Variants in RCHY1 observed in about 807,000 individuals in gnomAD.
RCHY1 encodes the protein RING finger and CHY zinc finger domain-containing protein 1.
Under a neutral mutation model 41.6 loss-of-function variants are expected in RCHY1, and 21 were observed. The observed-to-expected ratio is 0.51, with a 90% CI of 0.36 to 0.73. The LOEUF (loss-of-function observed/expected upper bound fraction) is 0.73, where lower values mean the gene tolerates loss of function less well. Ranked by LOEUF, RCHY1 falls within the 30% of genes least tolerant of loss-of-function variation. The probability of loss-of-function intolerance (pLI) is 0.00; values close to 1 mark genes in which losing one functional copy is unlikely to be tolerated. For synonymous variants in RCHY1, 79 were observed against 102.9 expected (o/e 0.77, Z 1.41); for missense variants, 265 against 325.3 (o/e 0.81, Z 1.43).
At chr4:75,503,109 G>C (rs182384034) in intron 3 of RCHY1, among the ~76,000 whole-genome samples, 1 of 152,162 alleles carries the variant, frequency 6.6e-6, no homozygotes, top group Admixed American at 6.5e-5. Flanking sequence ...GCAGGAAAGC[G>C]TCTTGCACAT....
intron 2 of RCHY1, 74 bp from the exon 3 acceptor site, chr4:75,509,009 T>C (rs1724602304): frequency 7.4e-6 from 9 of 1,213,944 alleles, no homozygotes; most frequent in East Asian, 2.4e-5. Flanking sequence ...CTAGAACTTA[T>C]GTTCAACTAT....
intron 1 of RCHY1, 108 bp from the exon 2 acceptor site, chr4:75,509,404 A>G: frequency 2.1e-6 from 2 of 965,376 alleles, no homozygotes; most frequent in Non-Finnish European, 3.1e-6. Context: ...CTGAAAGATT[A>G]CAACCAATAG....
intron 1 of RCHY1, among the ~76,000 whole-genome samples, chr4:75,513,251 G>GC (rs1228395662): frequency 6.6e-6 from 1 of 152,138 alleles, no homozygotes. Context: ...GCAGTGACCA[G>GC]CAAGGCTGAC....
Position 75,486,490 on chromosome 4 carries a change from A to T in RCHY1, c.658-3824T>A, listed in dbSNP as rs772576644. On this transcript the variant is annotated intron_variant, in intron 8 of 8. Transcript: ENST00000324439. ...TTAATAAATAATAATTTAAGGAAAC[A>T]TCCTTCCAAAAAATTAAAATGGCTT... 7.2e-5 allele frequency among the ~76,000 whole-genome samples: 11 copies of T among 152,104 alleles called. No homozygotes were observed. In the South Asian group the frequency reaches 1.7e-3, roughly 23 times the overall value.
At chr4:75,483,007 G>C (rs1342609309) in intron 8 of RCHY1, among the ~76,000 whole-genome samples, 1 of 151,986 alleles carries the variant, frequency 6.6e-6, no homozygotes. Context: ...ATAACAACAT[G>C]ATTTCATTAT....
At chr4:75,514,712 A>T, upstream of RCHY1, 1 of 163,282 alleles carries the variant, frequency 6.1e-6, no homozygotes, top group Non-Finnish European at 1.3e-5. Context: ...GCCTGGAGAA[A>T]GGGGCGGAGC....
chr4:75,498,236 T>C (rs1429853918), intron 3 of RCHY1, among the ~76,000 whole-genome samples: 1 of 151,226 alleles, frequency 6.6e-6, no homozygotes, highest in Admixed American at 6.6e-5. Context: ...CTAGAATAGA[T>C]AAATTCCTGG....
intron 8 of RCHY1, among the ~76,000 whole-genome samples, chr4:75,486,294 A>AT (rs538591934): frequency 6.6e-6 from 1 of 151,992 alleles, no homozygotes; most frequent in South Asian, 2.1e-4. Flanking sequence ...CTAATTTCAA[A>AT]TTTTTTTTCA....
chr4:75,487,980 A>T (rs1722395221), intron 8 of RCHY1, among the ~76,000 whole-genome samples: 1 of 146,518 alleles, frequency 6.8e-6, no homozygotes, highest in African/African-American at 2.5e-5. Flanking sequence ...CCAAAATCAA[A>T]TTTCAACTTC....
intron 8 of RCHY1, among the ~76,000 whole-genome samples, chr4:75,488,968 G>C (rs765231913): frequency 1.3e-5 from 2 of 151,994 alleles, no homozygotes; most frequent in Non-Finnish European, 2.9e-5. Context: ...CCAGCTACTT[G>C]GGAGGCTGAG....
In RCHY1 at chr4:75,492,075, G is replaced by C. The variant is rs895059710; in HGVS notation, c.406-142C>G. The stretch of plus-strand genomic sequence containing the variant: ...AATATATGCTTTTTATATGTAAGAA[G>C]AGTTTTTTAATAGTTATTTAAATCT... On this transcript the variant is annotated intron_variant, in intron 4 of 8. Transcript: ENST00000324439. The C allele has an allele frequency of 5.3e-6, 3 of 566,804 alleles. No homozygotes were observed. The African/African-American group carries it at 5.8e-5, about 11-fold the overall frequency. 35.1% of individuals were successfully genotyped at this position (566,804 alleles called of 1,614,324 possible). A position where few individuals can be genotyped will look rare whatever the true frequency, so the allele number is the denominator to read the frequency against.
intron 1 of RCHY1, among the ~76,000 whole-genome samples, chr4:75,512,951 G>A (rs986122120): frequency 1.3e-5 from 2 of 150,968 alleles, no homozygotes; most frequent in Non-Finnish European, 2.9e-5. Context: ...CACCTAGGGC[G>A]AAGTATCTTA....
intron 8 of RCHY1, among the ~76,000 whole-genome samples, chr4:75,490,164 T>TA (rs979475169): frequency 7.2e-5 from 11 of 152,056 alleles, no homozygotes; most frequent in African/African-American, 2.7e-4. Context: ...AAAAGGGTAA[T>TA]AAACACTAAA....
At chr4:75,501,155 A>G (rs1257887101) in intron 3 of RCHY1, among the ~76,000 whole-genome samples, 1 of 152,152 alleles carries the variant, frequency 6.6e-6, no homozygotes, top group East Asian at 1.9e-4. Context: ...GATTACAGAC[A>G]TATACCACCA....
intron 8 of RCHY1, among the ~76,000 whole-genome samples, chr4:75,488,081 T>G (rs1165183606): frequency 6.6e-6 from 1 of 151,350 alleles, no homozygotes; most frequent in Non-Finnish European, 1.5e-5. Flanking sequence ...TTATTTGATC[T>G]GTTAAATTAC....
chr4:75,487,742 C>CAT (rs1199013259), intron 8 of RCHY1, among the ~76,000 whole-genome samples: 2 of 44,184 alleles, frequency 4.5e-5, no homozygotes, highest in African/African-American at 1.2e-4. Flanking sequence ...AATATATATT[C>CAT]ATATATATAT....
At chr4:75,495,776 T>A (rs547815102) in intron 3 of RCHY1, among the ~76,000 whole-genome samples, 10 of 152,198 alleles carry the variant, frequency 6.6e-5, no homozygotes, top group African/African-American at 2.4e-4. Context: ...CATACTCTAA[T>A]GAATACAGTT....
At chr4:75,499,586 G>A (rs1009639896) in intron 3 of RCHY1, among the ~76,000 whole-genome samples, 19 of 152,194 alleles carry the variant, frequency 1.2e-4, no homozygotes, top group African/African-American at 4.3e-4. Flanking sequence ...GTATTACTCA[G>A]CCATTAAAAA....
At chr4:75,487,577 C>CATAATATATTCATA (rs1491484553) in intron 8 of RCHY1, among the ~76,000 whole-genome samples, 3 of 46,046 alleles carry the variant, frequency 6.5e-5, no homozygotes, top group East Asian at 6.6e-4. Flanking sequence ...TATATATATT[C>CATAATATATTCATA]ATATATATAT....
Sources: gnomAD v4.1 joint callset for allele counts (sites outside exome capture counted in the v4.1 genomes callset) on GRCh38, gnomAD v4.1.1 for gene constraint, MANE v1.5 for transcripts, NCBI Gene and HGNC (gene_info 2026-07-23, HGNC 2026-07-21) for gene names.